C1orf115: variants seen among roughly 807,000 people sequenced by gnomAD.
C1orf115 encodes the protein required for drug-induced death protein 1.
C1orf115 carries 14 observed loss-of-function variants against 12.5 expected under a neutral mutation model. That is an observed-to-expected ratio of 1.12 (90% CI 0.74 to 1.75). C1orf115 has a LOEUF of 1.75. Ranked by LOEUF, C1orf115 falls within the 40% of genes most tolerant of loss-of-function variation. The probability of loss-of-function intolerance (pLI) is 0.00; values close to 1 mark genes in which losing one functional copy is unlikely to be tolerated. For missense variants in C1orf115, 237 were observed against 220.8 expected (o/e 1.07, Z -0.46); for synonymous variants, 109 against 104.6 (o/e 1.04, Z -0.26).
At chr1:220,695,672 AG>A (rs1233779211) in intron 1 of C1orf115, among the ~76,000 whole-genome samples, 1 of 151,946 alleles carries the variant, frequency 6.6e-6, no homozygotes, top group African/African-American at 2.4e-5. Context: ...GAGGTTTGTC[AG>A]GTGGTGTTGG....
chr1:220,690,737 CG>C (rs755224463), intron 1 of C1orf115, 26 bp downstream of exon 1: 15 of 1,555,748 alleles, frequency 9.6e-6, no homozygotes, highest in Admixed American at 1.9e-5. Context: ...CACCACTGCC[CG>C]GGGGGCGCGG....
At position 220,690,708 on chromosome 1, in the gene C1orf115, C is replaced by A; in HGVS notation, c.306C>A (p.Gly102=). 1 of 1,586,682 alleles carries A rather than the reference C, an allele frequency of 6.3e-7. No homozygotes were observed. Among genetic ancestry groups the A allele is most frequent in the Non-Finnish European group, 8.6e-7 (1 of 1,167,960 alleles). ...ACCGGAGGAAGCTGAAGAAGTACGGCAAGGTAGGGGCCCTGCGCCACCACT... is the reference window on the plus strand; with the variant it reads ...ACCGGAGGAAGCTGAAGAAGTACGGAAAGGTAGGGGCCCTGCGCCACCACT... ...KRYRRKLKKY[G]KNVGKVIIKG... Residue 102 remains glycine (G), a synonymous_variant, in exon 1 of 2, where the codon GGC becomes GGA. Transcript: ENST00000294889.
Position 220,696,826 on chromosome 1 carries a change from C to A in C1orf115, c.*95C>A. 6.4e-6 allele frequency: 9 copies of A among 1,415,106 alleles called. No individual in the cohort carries two copies. Among genetic ancestry groups the A allele is most frequent in the Non-Finnish European group, 8.5e-6 (9 of 1,054,140 alleles). 87.7% of individuals were successfully genotyped at this position (1,415,106 alleles called of 1,614,324 possible). On this transcript the variant is annotated 3_prime_UTR_variant, in exon 2 of 2. Transcript: ENST00000294889. ...GAGCATCTCAGACTTGAACACACAG[C>A]ATATTTGGAAGAGAAAACATGCCTT...
chr1:220,693,474 A>G (rs1670142894), intron 1 of C1orf115, among the ~76,000 whole-genome samples: 1 of 152,200 alleles, frequency 6.6e-6, no homozygotes, highest in South Asian at 2.1e-4. Context: ...TGTTGTTTCA[A>G]ACATGTAAGT....
chr1:220,696,652 T>A lies in C1orf115; in HGVS notation c.350T>A (p.Val117Asp). ...ATCATCAAAGGATGCCGCTACGTGG[T>A]CATCGGCCTGCAAGGCTTCGCTGCA... ...KVIIKGCRYV[V>D]IGLQGFAAAY... is the part of the protein sequence containing the mutation. The change falls in exon 2 of 2, where the codon GTC becomes GAC. Residue 117 changes from valine to aspartate, a missense_variant. Transcript: ENST00000294889. 6.2e-7 allele frequency: 1 copy of A among 1,601,830 alleles called. No individual in the cohort carries two copies. Among genetic ancestry groups the A allele is most frequent in the Non-Finnish European group, 8.5e-7 (1 of 1,169,754 alleles).
intron 1 of C1orf115, among the ~76,000 whole-genome samples, chr1:220,692,271 T>G (rs1011761863): frequency 1.3e-5 from 2 of 152,226 alleles, no homozygotes; most frequent in Non-Finnish European, 2.9e-5. Flanking sequence ...TATTCTGTGA[T>G]CTAGCAGTTC....
In C1orf115 at chr1:220,690,763, G is replaced by A. The variant is rs747484133; in HGVS notation, c.309+52G>A. On this transcript the variant is annotated intron_variant, in intron 1 of 1. Transcript: ENST00000294889. ...GGGGGGCGCGGGTGTGGTGTCCCGCGGGGGAGCGGGAGCCGGGTCCTTACC... is the reference window on the plus strand; with the variant it reads ...GGGGGGCGCGGGTGTGGTGTCCCGCAGGGGAGCGGGAGCCGGGTCCTTACC... The A allele has an allele frequency of 1.0e-5, 16 of 1,531,486 alleles. No homozygotes were observed. The South Asian group carries it at 1.7e-4, about 16-fold the overall frequency. The allele number at this position is 1,531,486 out of a possible 1,614,324, so 94.9% of individuals were successfully genotyped here. A position where few individuals can be genotyped will look rare whatever the true frequency, so the allele number is the denominator to read the frequency against.
chr1:220,695,377 G>A (rs1670175767), intron 1 of C1orf115, among the ~76,000 whole-genome samples: 1 of 152,138 alleles, frequency 6.6e-6, no homozygotes, highest in Non-Finnish European at 1.5e-5. Flanking sequence ...GAATGGCTTG[G>A]GGGAAGAAGA....
At position 220,690,625 on chromosome 1, in the gene C1orf115, C is replaced by T; in HGVS notation, c.223C>T (p.Pro75Ser). Residue 75 changes from proline (P) to serine (S), a missense_variant, in exon 1 of 2, where the codon CCC becomes TCC. Coordinates refer to ENST00000294889, the MANE Select transcript of C1orf115 (RefSeq NM_024709.5). ...GCGGAGGGTGCACTTCGCCCTCCTG[C>T]CCGAGCGCTACGAGCCACTGGAGGA... is the stretch of plus-strand genomic sequence containing the variant. ...GARRVHFALL[P>S]ERYEPLEEPA... The T allele has an allele frequency of 6.4e-7, 1 of 1,555,758 alleles. No individual in the cohort carries two copies. Among genetic ancestry groups the T allele is most frequent in the Non-Finnish European group, 8.7e-7 (1 of 1,154,178 alleles).
At chr1:220,693,671 G>A (rs555638500) in intron 1 of C1orf115, among the ~76,000 whole-genome samples, 1 of 152,264 alleles carries the variant, frequency 6.6e-6, no homozygotes, top group Admixed American at 6.5e-5. Flanking sequence ...TCATTTAGCG[G>A]GAGAGGTACC....
Position 220,698,931 on chromosome 1 carries a change from GC to G in C1orf115, c.*2203del, listed in dbSNP as rs1386773827. ...AGCCGTCATTCTCTGTGGCAGGGCT[GC>G]CCTGGGTTTCTCTTACTCAATCCCT... On this transcript the variant is annotated 3_prime_UTR_variant, in exon 2 of 2. Coordinates refer to ENST00000294889, the MANE Select transcript of C1orf115 (RefSeq NM_024709.5). The G allele has an allele frequency of 3.3e-5, 5 of 152,142 alleles. No individual in the cohort carries two copies. Among genetic ancestry groups the G allele is most frequent in the Non-Finnish European group, 5.9e-5 (4 of 68,018 alleles). The allele number at this position is 152,142 out of a possible 1,614,324, so 9.4% of individuals were successfully genotyped here.
In C1orf115 at chr1:220,690,596, G is replaced by A; in HGVS notation, c.194G>A (p.Gly65Asp). 2 of 1,518,238 alleles carry A rather than the reference G, an allele frequency of 1.3e-6. No homozygotes were observed. Among genetic ancestry groups the A allele is most frequent in the Admixed American group, 2.1e-5 (1 of 46,558 alleles). The allele number at this position is 1,518,238 out of a possible 1,614,324, so 94.0% of individuals were successfully genotyped here. ...AADERGPGTR[G>D]ARRVHFALLP... ...GACGAGCGGGGCCCGGGGACCCGGG[G>A]CGCGCGGAGGGTGCACTTCGCCCTC... The change falls in exon 1 of 2, where the codon GGC becomes GAC. Residue 65 changes from glycine (G) to aspartate (D), a missense_variant. Transcript: ENST00000294889.
chr1:220,690,570 G>T lies in C1orf115; in HGVS notation c.168G>T (p.Ala56=). Residue 56 remains alanine (A), a synonymous_variant, in exon 1 of 2, where the codon GCG becomes GCT. Coordinates refer to ENST00000294889, the MANE Select transcript of C1orf115 (RefSeq NM_024709.5). The stretch of plus-strand genomic sequence containing the variant: ...CGGCCGAGAGCGGGACGAGCGCGGC[G>T]GACGAGCGGGGCCCGGGGACCCGGG... ...EAAAESGTSA[A]DERGPGTRGA... is the part of the protein sequence containing the mutation. 1.3e-6 allele frequency: 2 copies of T among 1,487,666 alleles called. No individual in the cohort carries two copies. Among genetic ancestry groups the T allele is most frequent in the East Asian group, 5.6e-5 (2 of 35,518 alleles). The allele number at this position is 1,487,666 out of a possible 1,614,324, so 92.2% of individuals were successfully genotyped here. A position where few individuals can be genotyped will look rare whatever the true frequency, so the allele number is the denominator to read the frequency against.
At position 220,690,590 on chromosome 1, in the gene C1orf115, C is replaced by A. The variant is rs899810311; in HGVS notation, c.188C>A (p.Thr63Asn). 4 of 1,514,064 alleles carry A rather than the reference C, an allele frequency of 2.6e-6. No homozygotes were observed. Among genetic ancestry groups the A allele is most frequent in the Non-Finnish European group, 3.5e-6 (4 of 1,133,520 alleles). 93.8% of individuals were successfully genotyped at this position (1,514,064 alleles called of 1,614,324 possible). ...GCGGCGGACGAGCGGGGCCCGGGGA[C>A]CCGGGGCGCGCGGAGGGTGCACTTC... ...TSAADERGPG[T>N]RGARRVHFAL... Residue 63 changes from threonine (T) to asparagine (N), a missense_variant, in exon 1 of 2, where the codon ACC becomes AAC. By Grantham distance (65) the Thr-to-Asn change is moderately conservative (BLOSUM62 0). Transcript: ENST00000294889.
At chr1:220,693,558 C>T (rs1021495457) in intron 1 of C1orf115, among the ~76,000 whole-genome samples, 3 of 152,186 alleles carry the variant, frequency 2.0e-5, no homozygotes, top group African/African-American at 4.8e-5. Context: ...CCCACACATG[C>T]GCATGCCCCA....
Position 220,698,858 on chromosome 1 carries a change from G to A in C1orf115, c.*2127G>A, listed in dbSNP as rs769806898. The A allele has an allele frequency of 6.6e-6, 1 of 152,176 alleles. No homozygotes were observed. Among genetic ancestry groups the A allele is most frequent in the African/African-American group, 2.4e-5 (1 of 41,434 alleles). The allele number at this position is 152,176 out of a possible 1,614,324, so 9.4% of individuals were successfully genotyped here. A position where few individuals can be genotyped will look rare whatever the true frequency, so the allele number is the denominator to read the frequency against. ...AAACCTCCTAGGGGTTGTCCTGGGA[G>A]TCAGGTTCACGGGTACAGAAGATGA... On this transcript the variant is annotated 3_prime_UTR_variant, in exon 2 of 2. Transcript: ENST00000294889.
chr1:220,696,615 G>T lies in C1orf115; in HGVS notation c.313G>T (p.Val105Phe). Reference sequence around the variant, plus strand: ...TCTCTTTTATTCCTAACACTAGAATGTCGGGAAGGTCATCATCAAAGGATG... The same window carrying T: ...TCTCTTTTATTCCTAACACTAGAATTTCGGGAAGGTCATCATCAAAGGATG... ...RRKLKKYGKN[V>F]GKVIIKGCRY... is the part of the protein sequence containing the mutation. The change falls in exon 2 of 2, where the codon GTC becomes TTC. Residue 105 changes from valine to phenylalanine, a missense_variant. Val to Phe is a conservative substitution (Grantham distance 50). Transcript: ENST00000294889. 6.3e-7 allele frequency: 1 copy of T among 1,584,170 alleles called. No individual in the cohort carries two copies. Among genetic ancestry groups the T allele is most frequent in the Non-Finnish European group, 8.7e-7 (1 of 1,155,504 alleles).
At position 220,697,419 on chromosome 1, in the gene C1orf115, AG is replaced by A. The variant is rs1238861883; in HGVS notation, c.*690del. ...ATGACTGTGAAGCTGGCGAGGAAGGAGGAAGAAGGGCAAGTTCAGATGCAGG... is the reference window on the plus strand; with the variant it reads ...ATGACTGTGAAGCTGGCGAGGAAGGAGAAGAAGGGCAAGTTCAGATGCAGG... On this transcript the variant is annotated 3_prime_UTR_variant, in exon 2 of 2. Coordinates refer to ENST00000294889, the MANE Select transcript of C1orf115 (RefSeq NM_024709.5). This position sits in a 1 kb window ranked among gnomAD's most constrained non-coding sequence, Gnocchi z 4.5. 3 of 152,628 alleles carry A rather than the reference AG, an allele frequency of 2.0e-5. No individual in the cohort carries two copies. The highest frequency in any genetic ancestry group is 7.2e-5 in the African/African-American group (3 of 41,466). 9.5% of individuals were successfully genotyped at this position (152,628 alleles called of 1,614,324 possible). A position where few individuals can be genotyped will look rare whatever the true frequency, so the allele number is the denominator to read the frequency against.
At position 220,690,546 on chromosome 1, in the gene C1orf115, G is replaced by A; in HGVS notation, c.144G>A (p.Ala48=). Residue 48 remains alanine (A), a synonymous_variant, in exon 1 of 2, where the codon GCG becomes GCA. Transcript: ENST00000294889. ...HLEYADEAEA[A]AESGTSAADE... ...AGTACGCGGACGAGGCGGAGGCGGCGGCCGAGAGCGGGACGAGCGCGGCGG... is the reference window on the plus strand; with the variant it reads ...AGTACGCGGACGAGGCGGAGGCGGCAGCCGAGAGCGGGACGAGCGCGGCGG... The A allele has an allele frequency of 2.8e-6, 4 of 1,451,066 alleles. No individual in the cohort carries two copies. The highest frequency in any genetic ancestry group is 3.6e-6 in the Non-Finnish European group (4 of 1,108,598). 89.9% of individuals were successfully genotyped at this position (1,451,066 alleles called of 1,614,324 possible).
Sources: gnomAD v4.1 joint callset for allele counts (sites outside exome capture counted in the v4.1 genomes callset) on GRCh38, gnomAD v4.1.1 for gene constraint, Gnocchi (gnomAD v3.1) non-coding constraint, MANE v1.5 for transcripts, NCBI Gene and HGNC (gene_info 2026-07-23, HGNC 2026-07-21) for gene names.